Variants in APBB1IP observed in about 807,000 individuals in gnomAD.
APBB1IP encodes the protein amyloid beta A4 precursor protein-binding family B member 1-interacting protein.
Under a neutral mutation model 64.9 loss-of-function variants are expected in APBB1IP, and 27 were observed. The ratio of observed to expected loss-of-function variants is 0.42; its 90% CI spans 0.31 to 0.57. APBB1IP has a LOEUF of 0.57. Among genes scored for constraint, APBB1IP ranks in the 20% least tolerant of loss-of-function variants. APBB1IP has a pLI of 0.20. For missense variants in APBB1IP, 812 were observed against 845.5 expected (o/e 0.96, Z 0.49); for synonymous variants, 392 against 331.0 (o/e 1.18, Z -2.00).
rs1030971825 is a variant in APBB1IP at position 26,519,072 on chromosome 10, C to T, written c.813+5412C>T. ...GGTGGATCACCTAAGATCAGGAGTT[C>T]GAGACCAGCCCGGCCAACGTGATGA... On this transcript the variant is annotated intron_variant, in intron 8 of 14. Transcript: ENST00000376236. Among the ~76,000 whole-genome samples the T allele has an allele frequency of 3.4e-5, 5 of 146,248 alleles. No homozygotes were observed. In the East Asian group the frequency reaches 8.0e-4, roughly 23 times the overall value.
intron 11 of APBB1IP, among the ~76,000 whole-genome samples, chr10:26,546,427 A>ATTTATTT: frequency 6.6e-6 from 1 of 152,246 alleles, no homozygotes. Context: ...GTATTTATTC[A>ATTTATTT]TTTATTTTTT....
intron 4 of APBB1IP, among the ~76,000 whole-genome samples, chr10:26,498,591 T>C (rs1836057912): frequency 6.6e-6 from 1 of 152,180 alleles, no homozygotes; most frequent in South Asian, 2.1e-4. Flanking sequence ...AAAAGCAAAT[T>C]TAGCCTCACC....
intron 2 of APBB1IP, among the ~76,000 whole-genome samples, chr10:26,440,305 G>A (rs867453243): frequency 3.9e-5 from 6 of 152,262 alleles, no homozygotes; most frequent in Middle Eastern, 3.4e-3. Context: ...AATAGCAATT[G>A]AGGAGTTGCT....
rs1836048450 is a variant in APBB1IP at position 26,497,946 on chromosome 10, C to T, written c.160+1555C>T. ...TTTGCCATGTTGGCTAGGCTGGTCT[C>T]GAACTCCAGACCTCAGGTGATCCAA... On this transcript the variant is annotated intron_variant, in intron 4 of 14. Transcript: ENST00000376236. 3.3e-5 allele frequency among the ~76,000 whole-genome samples: 5 copies of T among 151,778 alleles called. No individual in the cohort carries two copies. The South Asian group carries it at 1.0e-3, about 32-fold the overall frequency.
At chr10:26,489,304 G>A (rs1835928784) in intron 2 of APBB1IP, among the ~76,000 whole-genome samples, 2 of 152,182 alleles carry the variant, frequency 1.3e-5, no homozygotes, top group Admixed American at 1.3e-4. Flanking sequence ...AGAACATTCA[G>A]ATGGAAAATG....
intron 6 of APBB1IP, among the ~76,000 whole-genome samples, chr10:26,510,732 TCTCA>T (rs1171077219): frequency 3.6e-4 from 39 of 109,364 alleles, no homozygotes; most frequent in Middle Eastern, 5.4e-3. Flanking sequence ...CAAGACCCTG[TCTCA>T]CACACACACA....
chr10:26,533,636 AGTTGGG>A, intron 9 of APBB1IP, 111 bp downstream of exon 9: 1 of 564,106 alleles, frequency 1.8e-6, no homozygotes. Context: ...TGAAATTTTA[AGTTGGG>A]GTGTTAAAAT....
chr10:26,563,698 G>C lies in APBB1IP; in HGVS notation c.1473+1269G>C, dbSNP rs11015179. Among the ~76,000 whole-genome samples the C allele has an allele frequency of 8.0e-3, 1,212 of 152,226 alleles. 18 individuals carry two copies. Among genetic ancestry groups the C allele is most frequent in the African/African-American group, 0.027 (1,114 of 41,516 alleles). ...GCATATCACCCAGCTAGGACAGGCA[G>C]GGTGCTTCACTTCAACAATTTTTCA... is the stretch of plus-strand genomic sequence containing the variant. On this transcript the variant is annotated intron_variant, in intron 14 of 14. Coordinates refer to ENST00000376236, the MANE Select transcript of APBB1IP (RefSeq NM_019043.4).
Position 26,531,884 on chromosome 10 carries a change from T to C in APBB1IP, c.814-1555T>C, listed in dbSNP as rs528119586. On this transcript the variant is annotated intron_variant, in intron 8 of 14. Coordinates refer to ENST00000376236, the MANE Select transcript of APBB1IP (RefSeq NM_019043.4). ...TTGCTTGAGCCCAGGAGTTCAAGGC[T>C]GCAGTGAGCTATGATCATGTGACTG... Among the ~76,000 whole-genome samples the C allele has an allele frequency of 3.0e-3, 458 of 152,262 alleles. 3 individuals are homozygous for C. The highest frequency in any genetic ancestry group is 0.01 in the African/African-American group (419 of 41,554).
At chr10:26,485,167 A>T (rs1285375871) in intron 2 of APBB1IP, among the ~76,000 whole-genome samples, 1 of 152,252 alleles carries the variant, frequency 6.6e-6, no homozygotes, top group Non-Finnish European at 1.5e-5. Context: ...TGGAAATAGC[A>T]TTGGAAAAAT....
rs80344644 is a variant in APBB1IP at position 26,505,216 on chromosome 10, C to T, written c.531+1942C>T. Among the ~76,000 whole-genome samples, 365 of 152,276 alleles carry T rather than the reference C, an allele frequency of 2.4e-3. 3 individuals are homozygous for T. The East Asian group carries it at 0.026, about 11-fold the overall frequency. ...CTGAATGAAGGTGTTCAATACCTGC[C>T]GATGGATGGATATTCAGGAAGTAGT... On this transcript the variant is annotated intron_variant, in intron 6 of 14. Coordinates refer to ENST00000376236, the MANE Select transcript of APBB1IP (RefSeq NM_019043.4).
chr10:26,524,817 C>A (rs768522835), intron 8 of APBB1IP, among the ~76,000 whole-genome samples: 1 of 152,090 alleles, frequency 6.6e-6, no homozygotes, highest in Non-Finnish European at 1.5e-5. Flanking sequence ...AAGCTACACT[C>A]TACAGGGTTA....
intron 2 of APBB1IP, among the ~76,000 whole-genome samples, chr10:26,488,385 GC>G (rs1439280449): frequency 6.6e-6 from 1 of 151,858 alleles, no homozygotes; most frequent in Non-Finnish European, 1.5e-5. Flanking sequence ...ACATGCACGT[GC>G]CCCCACACCT....
chr10:26,463,537 G>C (rs1835616553), intron 2 of APBB1IP, among the ~76,000 whole-genome samples: 1 of 152,110 alleles, frequency 6.6e-6, no homozygotes, highest in South Asian at 2.1e-4. Context: ...TGGTTGGATG[G>C]GAATCTGCCT....
At chr10:26,510,247 C>T (rs1201514093) in intron 6 of APBB1IP, among the ~76,000 whole-genome samples, 3 of 152,100 alleles carry the variant, frequency 2.0e-5, no homozygotes, top group Admixed American at 6.6e-5. Context: ...GGATAACAGG[C>T]GTGAGCCACC....
intron 2 of APBB1IP, among the ~76,000 whole-genome samples, chr10:26,491,008 A>G (rs1313905717): frequency 6.6e-6 from 1 of 152,008 alleles, no homozygotes; most frequent in Non-Finnish European, 1.5e-5. Flanking sequence ...GCTGAGCAAG[A>G]TGGCTCAATC....
chr10:26,527,411 A>G (rs1010693770), intron 8 of APBB1IP, among the ~76,000 whole-genome samples: 1 of 151,884 alleles, frequency 6.6e-6, no homozygotes, highest in Non-Finnish European at 1.5e-5. Flanking sequence ...GCTGGGTGTG[A>G]TGGCATGCAC....
chr10:26,556,330 G>GAACGATTTCTGCAAGA (rs1283326774), intron 11 of APBB1IP, among the ~76,000 whole-genome samples: 1 of 152,202 alleles, frequency 6.6e-6, no homozygotes, highest in Non-Finnish European at 1.5e-5. Flanking sequence ...TGTCTGCAAG[G>GAACGATTTCTGCAAGA]CTGAACGATT....
chr10:26,562,291 T>A, intron 13 of APBB1IP, 35 bp from the exon 14 acceptor site: 1 of 1,477,356 alleles, frequency 6.8e-7, no homozygotes, highest in Non-Finnish European at 9.5e-7. Context: ...GAAAATGCTT[T>A]GCTCACTCTT....
Sources: allele counts gnomAD v4.1 joint callset (sites outside exome capture counted in the v4.1 genomes callset), GRCh38; gene constraint gnomAD v4.1.1; transcripts MANE v1.5; gene names NCBI Gene and HGNC (gene_info 2026-07-23, HGNC 2026-07-21).